The following DNAH10 variants were observed in gnomAD, a reference collection of about 807,000 sequenced individuals.
DNAH10 encodes the protein dynein axonemal heavy chain 10, also known as axonemal beta dynein heavy chain 10.
Under a neutral mutation model 506.6 loss-of-function variants are expected in DNAH10, and 348 were observed. That is an observed-to-expected ratio of 0.69 (90% confidence interval 0.63 to 0.75). The LOEUF (loss-of-function observed/expected upper bound fraction) is 0.75, where lower values mean the gene tolerates loss of function less well. Ranked by LOEUF, DNAH10 falls within the 30% of genes least tolerant of loss-of-function variation. The pLI, the probability that DNAH10 is intolerant of heterozygous loss-of-function variation, is 0.00. For synonymous variants in DNAH10, 2,059 were observed against 2,198.6 expected, an observed-to-expected ratio of 0.94 and a Z score of 1.78; for missense variants, 5,179 against 5,787.1, an observed-to-expected ratio of 0.89 and a Z score of 3.41.
chr12:123,769,808 C>T (rs1957179711), intron 2 of DNAH10, among the ~76,000 whole-genome samples: 1 of 151,644 alleles, frequency 6.6e-6, no homozygotes. Context: ...GGCTGGAGTG[C>T]TGTGGTGTGA....
Position 123,884,180 on chromosome 12 carries a change from A to G in DNAH10, c.8823+2367A>G, listed in dbSNP as rs191292839. Among the ~76,000 whole-genome samples, 359 of 152,260 alleles carry G rather than the reference A, an allele frequency of 2.4e-3. 2 individuals are homozygous for G. In the Middle Eastern group the frequency reaches 0.048, roughly 20 times the overall value. ...CTCCTGAGTAGCTGGGATTACAGGC[A>G]TGTGCCACCACGCCCGGCTAACTTT... is the stretch of plus-strand genomic sequence containing the variant. On this transcript the variant is annotated intron_variant, in intron 51 of 78. Coordinates refer to ENST00000673944, the MANE Select transcript of DNAH10 (RefSeq NM_001372106.1).
intron 52 of DNAH10, among the ~76,000 whole-genome samples, chr12:123,892,367 C>T (rs1229024479): frequency 1.3e-5 from 2 of 152,240 alleles, no homozygotes; most frequent in South Asian, 2.1e-4. Flanking sequence ...CCAGATCTCA[C>T]GAGAACTCAC....
At chr12:123,788,832 G>T (rs570114784) in intron 10 of DNAH10, among the ~76,000 whole-genome samples, 3 of 125,418 alleles carry the variant, frequency 2.4e-5, no homozygotes, top group African/African-American at 9.6e-5. Context: ...AGGCTGAGGT[G>T]GCACGTTGGC....
chr12:123,913,356 C>A lies in DNAH10; in HGVS notation c.10352+41C>A. 5 of 1,514,122 alleles carry A rather than the reference C, an allele frequency of 3.3e-6. No homozygotes were observed. The highest frequency in any genetic ancestry group is 4.4e-6 in the Non-Finnish European group (5 of 1,127,322). 93.8% of individuals were successfully genotyped at this position (1,514,122 alleles called of 1,614,324 possible). A position where few individuals can be genotyped will look rare whatever the true frequency, so the allele number is the denominator to read the frequency against. ...GAGCCCACCTGTTGCGGTTTGTAAA[C>A]GGACGTCACCCACAGAGTTTCTCGC... On this transcript the variant is annotated intron_variant, in intron 60 of 78. Coordinates refer to ENST00000673944, the MANE Select transcript of DNAH10 (RefSeq NM_001372106.1). This position sits in a 1 kb window ranked among gnomAD's most constrained non-coding sequence, Gnocchi z 5.1.
chr12:123,813,390 T>TG lies in DNAH10; in HGVS notation c.3371_3372insG (p.Ile1124MetfsTer17). 1 of 1,614,208 alleles carries TG rather than the reference T, an allele frequency of 6.2e-7. No homozygotes were observed. Among genetic ancestry groups the TG allele is most frequent in the Non-Finnish European group, 8.5e-7 (1 of 1,180,036 alleles). On this transcript the variant is annotated frameshift_variant, in exon 20 of 79. Transcript: ENST00000673944. LOFTEE classifies it high-confidence loss of function. ...CCTCTCTGGAAATTGGACAAAGCTA[T>TG]TGTGATGGAGAAATTTGCTGCCAAG... is the stretch of plus-strand genomic sequence containing the variant.
Position 123,841,449 on chromosome 12 carries a change from TG to T in DNAH10, c.5266del (p.Glu1756ArgfsTer4). On this transcript the variant is annotated frameshift_variant, in exon 30 of 79. Coordinates refer to ENST00000673944, the MANE Select transcript of DNAH10 (RefSeq NM_001372106.1). LOFTEE classifies it high-confidence loss of function. ...AAGATCTTGCGGGCTGAAGGGCGCGTGGAGGACTGGATGACGGCAGTTTTGA... is the reference window on the plus strand; with the variant it reads ...AAGATCTTGCGGGCTGAAGGGCGCGTGAGGACTGGATGACGGCAGTTTTGA... ...FRKILRAEGR[V>X]EDWMTAVLNE... 6.2e-7 allele frequency: 1 copy of T among 1,613,850 alleles called. No individual in the cohort carries two copies. The highest frequency in any genetic ancestry group is 8.5e-7 in the Non-Finnish European group (1 of 1,179,870).
At chr12:123,854,871 C>G (rs1951326271) in intron 36 of DNAH10, among the ~76,000 whole-genome samples, 1 of 152,200 alleles carries the variant, frequency 6.6e-6, no homozygotes, top group Admixed American at 6.5e-5. Context: ...CAGTTCTCAG[C>G]TGCGCTTATC....
intron 38 of DNAH10, among the ~76,000 whole-genome samples, chr12:123,859,927 G>A (rs1333125919): frequency 6.6e-6 from 1 of 152,030 alleles, no homozygotes; most frequent in Non-Finnish European, 1.5e-5. Context: ...CTACTCAGGA[G>A]GCTAAGGAGG....
chr12:123,889,526 C>T (rs371071236), intron 52 of DNAH10, among the ~76,000 whole-genome samples: 29 of 152,184 alleles, frequency 1.9e-4, no homozygotes, highest in Admixed American at 2.0e-4. Context: ...GACTGGTTAA[C>T]GACAACAACA....
rs1957072665 is a variant in DNAH10 at position 123,767,007 on chromosome 12, G to C, written c.215-599G>C. Among the ~76,000 whole-genome samples, 3 of 151,174 alleles carry C rather than the reference G, an allele frequency of 2.0e-5. No homozygotes were observed. The South Asian group carries it at 6.3e-4, about 32-fold the overall frequency. On this transcript the variant is annotated intron_variant, in intron 1 of 78. Coordinates refer to ENST00000673944, the MANE Select transcript of DNAH10 (RefSeq NM_001372106.1). Reference sequence around the variant, plus strand: ...TGCAACCTCCGCCTCTTGGGCTCAAGTGATTCTCCTGCATCAGCCTCCCAA... The same window carrying C: ...TGCAACCTCCGCCTCTTGGGCTCAACTGATTCTCCTGCATCAGCCTCCCAA...
At chr12:123,773,023 CT>C in intron 4 of DNAH10, 81 bp downstream of exon 4, 1 of 948,726 alleles carries the variant, frequency 1.1e-6, no homozygotes, top group Non-Finnish European at 1.6e-6. Flanking sequence ...ATTCTGTTGT[CT>C]TTTTATGGTT....
intron 26 of DNAH10, among the ~76,000 whole-genome samples, chr12:123,832,718 G>A (rs1960701153): frequency 6.6e-6 from 1 of 152,180 alleles, no homozygotes; most frequent in Non-Finnish European, 1.5e-5. Context: ...TGTGACAGTA[G>A]AGTAAGCACA....
intron 30 of DNAH10, among the ~76,000 whole-genome samples, chr12:123,843,201 T>G (rs1950831215): frequency 6.6e-6 from 1 of 152,230 alleles, no homozygotes; most frequent in Non-Finnish European, 1.5e-5. Context: ...GTGAACTTGT[T>G]GCTTCCAACA....
Position 123,866,010 on chromosome 12 carries a change from G to T in DNAH10, c.7104G>T (p.Val2368=). ...ATVSRCGMVY[V]DPKNLKYRPY... ...TCTCTCGATGTGGAATGGTTTATGT[G>T]GATCCTAAAAACTTGAAATATCGAC... Residue 2368 remains valine, a synonymous_variant, in exon 41 of 79, where the codon GTG becomes GTT. Transcript: ENST00000673944. The T allele has an allele frequency of 6.2e-7, 1 of 1,611,598 alleles. No individual in the cohort carries two copies. Among genetic ancestry groups the T allele is most frequent in the Non-Finnish European group, 8.5e-7 (1 of 1,179,168 alleles).
In DNAH10 at chr12:123,818,440, C is replaced by T. The variant is rs185832263; in HGVS notation, c.3781-510C>T. On this transcript the variant is annotated intron_variant, in intron 21 of 78. Transcript: ENST00000673944. ...CCAGGTTCAAGCGATTCTGCCACCT[C>T]AGCCTCCTGAGTAGCTGGAACTACA... 1.2e-3 allele frequency among the ~76,000 whole-genome samples: 179 copies of T among 152,244 alleles called. 2 individuals carry two copies. Among genetic ancestry groups the T allele is most frequent in the Non-Finnish European group, 1.9e-4 (13 of 68,010 alleles).
chr12:123,797,885 T>C (rs1958340401), intron 13 of DNAH10, among the ~76,000 whole-genome samples: 1 of 152,226 alleles, frequency 6.6e-6, no homozygotes, highest in Non-Finnish European at 1.5e-5. Flanking sequence ...TCTTTGAAGA[T>C]CCCGATAGTA....
At chr12:123,814,502 G>T (rs980170173) in intron 21 of DNAH10, among the ~76,000 whole-genome samples, 1 of 152,030 alleles carries the variant, frequency 6.6e-6, no homozygotes, top group African/African-American at 2.4e-5. Flanking sequence ...GGTGTTTGAA[G>T]CAGTCAAGCA....
chr12:123,764,303 A>G (rs1386456646), intron 1 of DNAH10, among the ~76,000 whole-genome samples: 2 of 152,160 alleles, frequency 1.3e-5, no homozygotes, highest in African/African-American at 4.8e-5. Context: ...CACGTTTTGG[A>G]ATTTAACCTT....
Position 123,784,193 on chromosome 12 carries a change from T to TG in DNAH10, c.1230+17dup. On this transcript the variant is annotated intron_variant, in intron 8 of 78. Coordinates refer to ENST00000673944, the MANE Select transcript of DNAH10 (RefSeq NM_001372106.1). ...TTATTTCAAGGTATGCTGGGTGTGCTGCACTTTGCAGTCAGCTCTGTCAAA... is the reference window on the plus strand; with the variant it reads ...TTATTTCAAGGTATGCTGGGTGTGCTGGCACTTTGCAGTCAGCTCTGTCAAA... 6.2e-7 allele frequency: 1 copy of TG among 1,604,832 alleles called. No individual in the cohort carries two copies. The highest frequency in any genetic ancestry group is 8.5e-7 in the Non-Finnish European group (1 of 1,171,600).
Sources: gnomAD v4.1 joint callset for allele counts (sites outside exome capture counted in the v4.1 genomes callset) on GRCh38, gnomAD v4.1.1 for gene constraint, Gnocchi (gnomAD v3.1) non-coding constraint, MANE v1.5 for transcripts, NCBI Gene and HGNC (gene_info 2026-07-23, HGNC 2026-07-21) for gene names.